The following STAT6 variants were observed in gnomAD, a reference collection of about 807,000 sequenced individuals.
STAT6 encodes the protein STAT, interleukin4-induced.
Under a neutral mutation model 106.3 loss-of-function variants are expected in STAT6, and 45 were observed. The observed-to-expected ratio is 0.42, with a 90% CI of 0.33 to 0.54. The LOEUF is 0.54. Ranked by LOEUF, STAT6 falls within the 20% of genes least tolerant of loss-of-function variation. The pLI is 0.06. For missense variants in STAT6, 797 were observed against 1,062.2 expected, an observed-to-expected ratio of 0.75 and a Z score of 3.47; for synonymous variants, 413 against 413.6, an observed-to-expected ratio of 1.00 and a Z score of 0.02.
At position 57,099,244 on chromosome 12, in the gene STAT6, G is replaced by T. The variant is rs2033661272; in HGVS notation, c.1891+50C>A. The T allele has an allele frequency of 1.2e-6, 2 of 1,612,236 alleles. No individual in the cohort carries two copies. The highest frequency in any genetic ancestry group is 1.7e-6 in the Non-Finnish European group (2 of 1,178,562). ...AGGGAGAGGAGGGCAGCGGGGAGCAGGGAGGAAGTGGGTGACAGGAAGGAA... is the reference window on the plus strand; with the variant it reads ...AGGGAGAGGAGGGCAGCGGGGAGCATGGAGGAAGTGGGTGACAGGAAGGAA... On this transcript the variant is annotated intron_variant, in intron 16 of 21. Transcript: ENST00000300134. This position sits in a 1 kb window ranked among gnomAD's most constrained non-coding sequence, Gnocchi z 4.7.
chr12:57,098,921 T>A lies in STAT6; in HGVS notation c.1956-19A>T. On this transcript the variant is annotated intron_variant, in intron 17 of 21. Coordinates refer to ENST00000300134, the MANE Select transcript of STAT6 (RefSeq NM_003153.5). ...TTGGTCCCTGGAGGAGGGAAGGAGG[T>A]ACATGTGACTGACCAAGGGTTGATG... 1 of 1,612,352 alleles carries A rather than the reference T, an allele frequency of 6.2e-7. No individual in the cohort carries two copies. Among genetic ancestry groups the A allele is most frequent in the South Asian group, 1.1e-5 (1 of 91,022 alleles).
Position 57,105,552 on chromosome 12 carries a change from C to A in STAT6, c.728G>T (p.Gly243Val). 6.2e-7 allele frequency: 1 copy of A among 1,614,048 alleles called. No homozygotes were observed. Among genetic ancestry groups the A allele is most frequent in the Non-Finnish European group, 8.5e-7 (1 of 1,179,952 alleles). The change falls in exon 8 of 22, where the codon GGG becomes GTG. Residue 243 changes from glycine to valine, a missense_variant. By Grantham distance (109) the Gly-to-Val change is moderately radical (BLOSUM62 -3). Around this residue, in one of 4 missense-constraint regions of STAT6, gnomAD observed 336 missense variants for 429.8 expected, o/e 0.78. Transcript: ENST00000300134. Reference sequence around the variant, plus strand: ...GGGCTCAAGCTCCCCACCAGCCGCCCCTACCTCCTGCTGTAGCTGGGAATA... The same window carrying A: ...GGGCTCAAGCTCCCCACCAGCCGCCACTACCTCCTGCTGTAGCTGGGAATA... Reference protein sequence around the residue: ...DIYSQLQQEVGAAGGELEPKT... With the variant: ...DIYSQLQQEVVAAGGELEPKT...
chr12:57,098,712 T>C, intron 18 of STAT6, 80 bp downstream of exon 18: 1 of 1,551,494 alleles, frequency 6.4e-7, no homozygotes, highest in South Asian at 1.1e-5. Context: ...CAGCCCCCAG[T>C]GCCAGCTCTC....
chr12:57,104,911 A>C (rs1237034778), intron 9 of STAT6, 98 bp from the exon 10 acceptor site: 1 of 1,405,298 alleles, frequency 7.1e-7, no homozygotes, highest in Non-Finnish European at 9.9e-7. Context: ...CACCAGCCCT[A>C]AATCTCCATG....
chr12:57,101,077 T>TTTTC (rs570198953), intron 13 of STAT6, among the ~76,000 whole-genome samples: 152 of 152,102 alleles, frequency 1.0e-3, no homozygotes, highest in African/African-American at 3.0e-3. Flanking sequence ...CAGGAATTCT[T>TTTTC]TTTCTTTCTT....
At position 57,099,223 on chromosome 12, in the gene STAT6, A is replaced by G; in HGVS notation, c.1891+71T>C. On this transcript the variant is annotated intron_variant, in intron 16 of 21. Transcript: ENST00000300134. The surrounding 1 kb of genome is among the most constrained non-coding windows in gnomAD (Gnocchi z 4.7). ...ACATCAGGATGACACGCGGGCAGGG[A>G]GAGGAGGGCAGCGGGGAGCAGGGAG... The G allele has an allele frequency of 1.2e-6, 2 of 1,605,150 alleles. No homozygotes were observed. Among genetic ancestry groups the G allele is most frequent in the South Asian group, 2.2e-5 (2 of 90,842 alleles).
Position 57,096,740 on chromosome 12 carries a change from A to C in STAT6, c.2376T>G (p.Pro792=), listed in dbSNP as rs2033459363. The C allele has an allele frequency of 6.2e-7, 1 of 1,612,414 alleles. No individual in the cohort carries two copies. Among genetic ancestry groups the C allele is most frequent in the African/African-American group, 1.3e-5 (1 of 74,632 alleles). ...CCTGTTCAGTGGGAGGCAGCAGAGG[A>C]GGGAATATGTCTTCACCAATCCTGC... ...QGTWIGEDIF[P]PLLPPTEQDL... Residue 792 remains proline, a synonymous_variant, in exon 22 of 22, where the codon CCT becomes CCG. Coordinates refer to ENST00000300134, the MANE Select transcript of STAT6 (RefSeq NM_003153.5).
chr12:57,102,753 A>G, intron 12 of STAT6, 76 bp downstream of exon 12: 1 of 1,252,160 alleles, frequency 8.0e-7, no homozygotes, highest in Non-Finnish European at 1.2e-6. Context: ...CCACCACCCC[A>G]TCAGCAGGCC....
Position 57,099,005 on chromosome 12 carries a change from C to A in STAT6, c.1955+10G>T. The stretch of plus-strand genomic sequence containing the variant: ...CCTGACCTACCCACTGTCCATACCA[C>A]CACACTCACCTTTCCACGGTCATCT... On this transcript the variant is annotated intron_variant, in intron 17 of 21. Transcript: ENST00000300134. The surrounding 1 kb of genome is among the most constrained non-coding windows in gnomAD (Gnocchi z 4.7). 1 of 1,614,168 alleles carries A rather than the reference C, an allele frequency of 6.2e-7. No homozygotes were observed. The highest frequency in any genetic ancestry group is 2.2e-5 in the East Asian group (1 of 44,882).
chr12:57,102,657 A>G (rs913520333), intron 12 of STAT6, among the ~76,000 whole-genome samples, 161 bp from the exon 13 acceptor site: 1 of 152,018 alleles, frequency 6.6e-6, no homozygotes. Context: ...GTGGCCTGAT[A>G]GTTGTTAAGA....
Position 57,099,625 on chromosome 12 carries a change from T to G in STAT6, c.1744+142A>C, listed in dbSNP as rs1230259210. 4.9e-6 allele frequency: 7 copies of G among 1,416,686 alleles called. No individual in the cohort carries two copies. The South Asian group carries it at 5.4e-5, about 11-fold the overall frequency. 87.8% of individuals were successfully genotyped at this position (1,416,686 alleles called of 1,614,324 possible). ...AGCTCACAGTGAGAAGGTGAACATT[T>G]AGACCACAGAAGGAAGAAGAGAAGC... On this transcript the variant is annotated intron_variant, in intron 15 of 21. Transcript: ENST00000300134. The surrounding 1 kb of genome is among the most constrained non-coding windows in gnomAD (Gnocchi z 4.7).
rs886889950 is a variant in STAT6 at position 57,110,564 on chromosome 12, A to C, written c.-22+565T>G. 8.8e-4 allele frequency: 133 copies of C among 151,872 alleles called. 2 individuals are homozygous for C. Among genetic ancestry groups the C allele is most frequent in the African/African-American group, 2.5e-3 (104 of 41,370 alleles). The allele number at this position is 151,872 out of a possible 1,614,324, so 9.4% of individuals were successfully genotyped here. On this transcript the variant is annotated intron_variant, in intron 1 of 21. Transcript: ENST00000300134. ...AATGTGGCGGTGGGGGCAGGCGGGG[A>C]GGTGGAGCCAGTTCAGCACGAGGAG...
At chr12:57,104,896 A>G (rs1252503325) in intron 9 of STAT6, 83 bp from the exon 10 acceptor site, 2 of 1,478,898 alleles carry the variant, frequency 1.4e-6, no homozygotes, top group Non-Finnish European at 1.9e-6. Context: ...TAGACTACCC[A>G]CTGTCACCAG....
Position 57,099,078 on chromosome 12 carries a change from G to C in STAT6, c.1892C>G (p.Pro631Arg). The C allele has an allele frequency of 6.2e-7, 1 of 1,614,132 alleles. No individual in the cohort carries two copies. Among genetic ancestry groups the C allele is most frequent in the Non-Finnish European group, 8.5e-7 (1 of 1,180,034 alleles). ...CCTGCCATCCTTACCCATCTGTTCA[G>C]CTGTTGTGAGAAGGAAAAGACAGCC... is the stretch of plus-strand genomic sequence containing the variant. ...KDEAFRSHYK[P>R]EQMGKDGRGY... The change falls in exon 17 of 22, where the codon CCT (proline) becomes CGT (arginine). Residue 631 changes from proline (P) to arginine (R), a missense_variant and splice_region_variant. Coordinates refer to ENST00000300134, the MANE Select transcript of STAT6 (RefSeq NM_003153.5). The surrounding 1 kb of genome is among the most constrained non-coding windows in gnomAD (Gnocchi z 4.7).
At chr12:57,105,079 A>C (rs2034185769) in intron 9 of STAT6, 72 bp downstream of exon 9, 1 of 1,519,948 alleles carries the variant, frequency 6.6e-7, no homozygotes, top group Non-Finnish European at 8.9e-7. Flanking sequence ...TGCTCTTTTC[A>C]GTGCCAGCCC....
chr12:57,106,827 CG>C lies in STAT6; in HGVS notation c.343del (p.Arg115AlafsTer27). 1 of 1,613,714 alleles carries C rather than the reference CG, an allele frequency of 6.2e-7. No individual in the cohort carries two copies. The highest frequency in any genetic ancestry group is 8.5e-7 in the Non-Finnish European group (1 of 1,180,014). On this transcript the variant is annotated frameshift_variant, in exon 5 of 22. Transcript: ENST00000300134. LOFTEE classifies it high-confidence loss of function. The part of the protein sequence containing the change: ...GEKKAVMEQF[R>X]HLPMPFHWKQ... ...CCAGTGGAAAGGCATTGGCAAGTGGCGGAACTACACAGGAAGGACAGATGCC... is the reference window on the plus strand; with the variant it reads ...CCAGTGGAAAGGCATTGGCAAGTGGCGAACTACACAGGAAGGACAGATGCC...
In STAT6 at chr12:57,102,825, T is replaced by C. The variant is rs748223270; in HGVS notation, c.1305+4A>G. 1 of 1,613,006 alleles carries C rather than the reference T, an allele frequency of 6.2e-7. No homozygotes were observed. Among genetic ancestry groups the C allele is most frequent in the Non-Finnish European group, 8.5e-7 (1 of 1,179,166 alleles). ...GTTCCCTCCAACTCCAGGACTTTCCTCACCATCTCAGAGAAGGCATTGTCC... is the reference window on the plus strand; with the variant it reads ...GTTCCCTCCAACTCCAGGACTTTCCCCACCATCTCAGAGAAGGCATTGTCC... On this transcript the variant is annotated splice_donor_region_variant and intron_variant, in intron 12 of 21. Transcript: ENST00000300134.
intron 13 of STAT6, among the ~76,000 whole-genome samples, chr12:57,101,959 C>T (rs546701777): frequency 2.0e-5 from 3 of 152,294 alleles, no homozygotes; most frequent in South Asian, 4.1e-4. Context: ...CCGCTGTGCC[C>T]GGCCAGGAAC....
Position 57,106,848 on chromosome 12 carries a change from G to C in STAT6, c.340-17C>G. On this transcript the variant is annotated splice_polypyrimidine_tract_variant and intron_variant, in intron 4 of 21. Coordinates refer to ENST00000300134, the MANE Select transcript of STAT6 (RefSeq NM_003153.5). ...GTGGCGGAACTACACAGGAAGGACA[G>C]ATGCCAAGAAGTGAAACACTCTGCT... 6.2e-7 allele frequency: 1 copy of C among 1,613,026 alleles called. No homozygotes were observed. The highest frequency in any genetic ancestry group is 8.5e-7 in the Non-Finnish European group (1 of 1,179,998).
Sources: allele counts gnomAD v4.1 joint callset (sites outside exome capture counted in the v4.1 genomes callset), GRCh38; gene constraint gnomAD v4.1.1; regional missense constraint gnomAD v4.1.1; non-coding constraint Gnocchi (gnomAD v3.1); transcripts MANE v1.5; gene names NCBI Gene and HGNC (gene_info 2026-07-23, HGNC 2026-07-21).